Variants in METTL25 observed in about 807,000 individuals in gnomAD.
METTL25 encodes the protein methyltransferase like 25.
A neutral mutation model predicts 71.6 loss-of-function variants in METTL25; 64 were observed. The ratio of observed to expected loss-of-function variants is 0.89; its 90% CI spans 0.73 to 1.10. METTL25 has a LOEUF of 1.10. Among genes scored for constraint, METTL25 ranks in the 50% least tolerant of loss-of-function variants. The probability of loss-of-function intolerance (pLI) is 0.00; values close to 1 mark genes in which losing one functional copy is unlikely to be tolerated. For missense variants in METTL25, 807 were observed against 707.0 expected, an observed-to-expected ratio of 1.14 and a Z score of -1.60; for synonymous variants, 287 against 250.3, an observed-to-expected ratio of 1.15 and a Z score of -1.38.
In METTL25 at chr12:82,359,984, TTATGA is replaced by T. The variant is rs1432636304; in HGVS notation, c.259+1166_259+1170del. The stretch of plus-strand genomic sequence containing the variant: ...TGCTCTCATAATAAATATATGGCAC[TTATGA>T]TATGACAATTTTACTTAAACTCCAA... On this transcript the variant is annotated intron_variant, in intron 1 of 11. Transcript: ENST00000248306. Among the ~76,000 whole-genome samples, 7 of 152,358 alleles carry T rather than the reference TTATGA, an allele frequency of 4.6e-5. No homozygotes were observed. The South Asian group carries it at 1.0e-3, about 23-fold the overall frequency.
intron 1 of METTL25, among the ~76,000 whole-genome samples, chr12:82,369,981 C>T (rs1336902341): frequency 1.3e-5 from 2 of 152,152 alleles, no homozygotes; most frequent in Non-Finnish European, 2.9e-5. Flanking sequence ...TTATAATCCT[C>T]TAGCTAGACA....
intron 1 of METTL25, among the ~76,000 whole-genome samples, chr12:82,386,426 C>T (rs1885006319): frequency 6.7e-6 from 1 of 148,592 alleles, no homozygotes; most frequent in South Asian, 2.2e-4. Flanking sequence ...TACCTTCCTT[C>T]CTTCCTCCCT....
At chr12:82,362,943 CTG>C (rs1299022497) in intron 1 of METTL25, among the ~76,000 whole-genome samples, 3 of 152,178 alleles carry the variant, frequency 2.0e-5, no homozygotes, top group Admixed American at 6.5e-5. Flanking sequence ...TATTGAAAGA[CTG>C]TGATTGATTG....
At position 82,456,735 on chromosome 12, in the gene METTL25, A is replaced by G; in HGVS notation, c.1487A>G (p.His496Arg). 1 of 1,589,440 alleles carries G rather than the reference A, an allele frequency of 6.3e-7. No individual in the cohort carries two copies. Among genetic ancestry groups the G allele is most frequent in the Non-Finnish European group, 8.6e-7 (1 of 1,167,702 alleles). The change falls in exon 9 of 12, where the codon CAT becomes CGT. Residue 496 changes from histidine to arginine, a missense_variant. Coordinates refer to ENST00000248306, the MANE Select transcript of METTL25 (RefSeq NM_032230.3). ...DCYGITKCDR[H>R]VGKIYSKCSS... ...TCAATTTTGTTTTACAGTGATCGGC[A>G]TGTTGGTAAAATTTATTCCAAATGT...
At chr12:82,471,004 G>A (rs1424302139) in intron 9 of METTL25, among the ~76,000 whole-genome samples, 8 of 152,154 alleles carry the variant, frequency 5.3e-5, no homozygotes, top group Admixed American at 4.6e-4. Context: ...AGGACAAGAT[G>A]CTTGCTTTCA....
At chr12:82,401,615 AT>A (rs573870945) in intron 4 of METTL25, among the ~76,000 whole-genome samples, 129 of 152,150 alleles carry the variant, frequency 8.5e-4, no homozygotes, top group South Asian at 1.9e-3. Flanking sequence ...CAATTAGTTC[AT>A]TAATAACTAT....
At chr12:82,438,641 G>A in intron 7 of METTL25, 77 bp from the exon 8 acceptor site, 1 of 890,318 alleles carries the variant, frequency 1.1e-6, no homozygotes, top group Non-Finnish European at 1.6e-6. Flanking sequence ...AGTCACGTGT[G>A]GTTCCAACAT....
intron 9 of METTL25, among the ~76,000 whole-genome samples, chr12:82,467,117 A>G (rs534390913): frequency 1.3e-5 from 2 of 151,388 alleles, no homozygotes; most frequent in East Asian, 3.9e-4. Context: ...GGCAGCATAT[A>G]GTTGGGTCTT....
rs114240356 is a variant in METTL25 at position 82,380,405 on chromosome 12, G to A, written c.260-6398G>A. On this transcript the variant is annotated intron_variant, in intron 1 of 11. Transcript: ENST00000248306. ...TGTAACAAACCTGCACATGCATCCC[G>A]ACCTTAAAAGTTTATATATGTATGT... 3.3e-3 allele frequency among the ~76,000 whole-genome samples: 461 copies of A among 138,736 alleles called. 2 individuals are homozygous for A. The highest frequency in any genetic ancestry group is 0.011 in the African/African-American group (433 of 37,664). The allele number at this position is 138,736 out of a possible 152,430, so 91.0% of individuals were successfully genotyped here.
chr12:82,383,391 A>G (rs1263900144), intron 1 of METTL25, among the ~76,000 whole-genome samples: 1 of 152,010 alleles, frequency 6.6e-6, no homozygotes, highest in African/African-American at 2.4e-5. Context: ...TGCTAATGGA[A>G]TGTGGGAATT....
intron 6 of METTL25, among the ~76,000 whole-genome samples, chr12:82,432,203 T>C (rs1889561201): frequency 1.3e-5 from 2 of 151,724 alleles, no homozygotes; most frequent in Non-Finnish European, 1.5e-5. Flanking sequence ...CATAGCAATA[T>C]AAGAAATAGT....
chr12:82,459,544 T>A (rs1891720040), intron 9 of METTL25, among the ~76,000 whole-genome samples: 1 of 152,190 alleles, frequency 6.6e-6, no homozygotes, highest in Non-Finnish European at 1.5e-5. Context: ...GGTGGATTGC[T>A]TGAGCCCAGG....
At chr12:82,390,303 G>A (rs1268027840) in intron 3 of METTL25, among the ~76,000 whole-genome samples, 1 of 152,050 alleles carries the variant, frequency 6.6e-6, no homozygotes, top group Non-Finnish European at 1.5e-5. Context: ...TTACCAAGCT[G>A]TGGTCTGGGA....
Position 82,399,036 on chromosome 12 carries a change from C to G in METTL25, c.773C>G (p.Thr258Ser). The change falls in exon 4 of 12, where the codon ACT becomes AGT. Residue 258 changes from threonine (T) to serine (S), a missense_variant. Coordinates refer to ENST00000248306, the MANE Select transcript of METTL25 (RefSeq NM_032230.3). ...VQNKVKNKAD[T>S]EEVFNNSPTN... ...AATAAAGTTAAAAATAAAGCTGATACTGAGGAAGTGTTTAACAACAGTCCT... is the reference window on the plus strand; with the variant it reads ...AATAAAGTTAAAAATAAAGCTGATAGTGAGGAAGTGTTTAACAACAGTCCT... The G allele has an allele frequency of 6.2e-7, 1 of 1,612,150 alleles. No homozygotes were observed. The highest frequency in any genetic ancestry group is 8.5e-7 in the Non-Finnish European group (1 of 1,178,960).
At chr12:82,471,343 C>T (rs1892557305) in intron 9 of METTL25, among the ~76,000 whole-genome samples, 1 of 152,240 alleles carries the variant, frequency 6.6e-6, no homozygotes, top group Non-Finnish European at 1.5e-5. Flanking sequence ...TGTTACCTGC[C>T]TGGTGCCTAC....
At chr12:82,383,308 G>A (rs945543194) in intron 1 of METTL25, among the ~76,000 whole-genome samples, 1 of 146,140 alleles carries the variant, frequency 6.8e-6, no homozygotes, top group African/African-American at 2.5e-5. Flanking sequence ...CCAAGTAGCT[G>A]GGACAATGCT....
chr12:82,469,220 A>G (rs997720863), intron 9 of METTL25, among the ~76,000 whole-genome samples: 8 of 152,120 alleles, frequency 5.3e-5, no homozygotes, highest in African/African-American at 1.9e-4. Context: ...AAGTATTTCT[A>G]CATCATCTGC....
rs139418897 is a variant in METTL25, at chr12:82,474,023, G to A, written c.1573-2621G>A. Reference sequence around the variant, plus strand: ...GATGGCTCTGTGCTGTAGAAGCTTGGCATACAAGGCTAGGTGGGAGTGGGG... The same window carrying A: ...GATGGCTCTGTGCTGTAGAAGCTTGACATACAAGGCTAGGTGGGAGTGGGG... On this transcript the variant is annotated intron_variant, in intron 9 of 11. Transcript: ENST00000248306. Among the ~76,000 whole-genome samples, 566 of 152,210 alleles carry A rather than the reference G, an allele frequency of 3.7e-3. 3 individuals are homozygous for A. The highest frequency in any genetic ancestry group is 0.013 in the African/African-American group (541 of 41,538).
intron 8 of METTL25, among the ~76,000 whole-genome samples, chr12:82,446,559 C>T (rs1030027586): frequency 1.3e-5 from 2 of 151,662 alleles, no homozygotes; most frequent in Non-Finnish European, 2.9e-5. Context: ...ACAACATGAC[C>T]CTGAATGACC....
Sources: gnomAD v4.1 joint callset for allele counts (sites outside exome capture counted in the v4.1 genomes callset) on GRCh38, gnomAD v4.1.1 for gene constraint, MANE v1.5 for transcripts, NCBI Gene and HGNC (gene_info 2026-07-23, HGNC 2026-07-21) for gene names.